Variants in EGFL6 observed in about 807,000 individuals in gnomAD.
The protein encoded by EGFL6 is EGF like domain multiple 6.
Under a neutral mutation model 43.1 loss-of-function variants are expected in EGFL6, and 42 were observed. The observed-to-expected ratio is 0.98, with a 90% confidence interval of 0.76 to 1.26. EGFL6 has a LOEUF of 1.26. Ranked by LOEUF, EGFL6 falls within the 50% of genes most tolerant of loss-of-function variation. The pLI is 0.00. For synonymous variants in EGFL6, 164 were observed against 163.2 expected (o/e 1.01, Z -0.04); for missense variants, 429 against 427.8 (o/e 1.00, Z -0.02).
chrX:13,598,246 G>T (rs932050043), intron 3 of EGFL6, among the ~76,000 whole-genome samples: 10 of 112,215 alleles, frequency 8.9e-5, no homozygotes, highest in Non-Finnish European at 1.9e-4. Flanking sequence ...GAGATGGTAG[G>T]GTAAAGGGGA....
intron 7 of EGFL6, among the ~76,000 whole-genome samples, chrX:13,614,989 T>C (rs1410013298): frequency 8.9e-6 from 1 of 112,190 alleles, no homozygotes; most frequent in Non-Finnish European, 1.9e-5. Context: ...TGACCTCAAG[T>C]GATCCGCCTG....
intron 9 of EGFL6, among the ~76,000 whole-genome samples, chrX:13,620,274 G>T: frequency 9.0e-6 from 1 of 111,274 alleles, no homozygotes; most frequent in Middle Eastern, 4.6e-3. Flanking sequence ...CCTTTCACTT[G>T]GTATAAGTAT....
chrX:13,625,541 G>A (rs946645948), intron 10 of EGFL6, among the ~76,000 whole-genome samples: 1 of 109,873 alleles, frequency 9.1e-6, no homozygotes, highest in Non-Finnish European at 1.9e-5. Context: ...AAAATTAGCC[G>A]GGCGTGGTGG....
intron 7 of EGFL6, 139 bp from the exon 8 acceptor site, chrX:13,617,590 TA>T: frequency 2.0e-6 from 1 of 508,483 alleles, no homozygotes; most frequent in South Asian, 3.5e-5. Context: ...CTTCCTAATT[TA>T]TCATCAAATA....
intron 1 of EGFL6, among the ~76,000 whole-genome samples, chrX:13,571,363 TAAAAC>T (rs1187974918): frequency 9.0e-6 from 1 of 111,163 alleles, no homozygotes; most frequent in Non-Finnish European, 1.9e-5. Context: ...ATTTCGAAGT[TAAAAC>T]AGAACAAACC....
intron 7 of EGFL6, among the ~76,000 whole-genome samples, chrX:13,611,302 G>A (rs141405295): frequency 7.9e-4 from 88 of 111,905 alleles, no homozygotes; most frequent in Middle Eastern, 9.1e-3. Context: ...ATTAAAGTTC[G>A]CTGTGATTGT....
chrX:13,573,540 T>C (rs1312213475), intron 1 of EGFL6, among the ~76,000 whole-genome samples: 2 of 112,363 alleles, frequency 1.8e-5, no homozygotes, highest in East Asian at 5.5e-4. Context: ...ATCAAGGCTA[T>C]GTAAACATTA....
chrX:13,633,171 A>AT lies in EGFL6; in HGVS notation c.*80dup. 2 of 850,327 alleles carry AT rather than the reference A, an allele frequency of 2.4e-6. No homozygotes were observed. Among genetic ancestry groups the AT allele is most frequent in the Non-Finnish European group, 3.3e-6 (2 of 607,155 alleles). 70.1% of individuals were successfully genotyped at this position (850,327 alleles called of 1,213,427 possible). A position where few individuals can be genotyped will look rare whatever the true frequency, so the allele number is the denominator to read the frequency against. On this transcript the variant is annotated 3_prime_UTR_variant, in exon 12 of 12. Transcript: ENST00000361306. ...GATATTGCATCATAGGACCTCTGGC[A>AT]TTTTAGAATTACTAGCTGAAAAATT...
rs906460443 is a variant in EGFL6 at position 13,624,040 on chromosome X, T to C, written c.1285+115T>C. ...TCAGAGCAGGGTTGTTTGTCATTTT[T>C]GGAAACTTTTAGACCTTCTGAGCTC... On this transcript the variant is annotated intron_variant, in intron 10 of 11. Transcript: ENST00000361306. 5 of 589,813 alleles carry C rather than the reference T, an allele frequency of 8.5e-6. No individual in the cohort carries two copies. The African/African-American group carries it at 1.2e-4, about 14-fold the overall frequency. 48.6% of individuals were successfully genotyped at this position (589,813 alleles called of 1,213,427 possible).
intron 5 of EGFL6, among the ~76,000 whole-genome samples, chrX:13,606,060 G>A (rs905466725): frequency 2.7e-5 from 3 of 112,138 alleles, no homozygotes; most frequent in African/African-American, 3.2e-5. Flanking sequence ...CAGCACACAC[G>A]TAATGTATAG....
At chrX:13,604,218 G>A (rs779237395) in intron 5 of EGFL6, among the ~76,000 whole-genome samples, 50 of 111,205 alleles carry the variant, frequency 4.5e-4, no homozygotes, top group African/African-American at 1.6e-3. Context: ...ACATAGATTA[G>A]GGCAATAGCT....
chrX:13,600,707 G>C (rs2045629305), intron 4 of EGFL6, among the ~76,000 whole-genome samples: 1 of 100,543 alleles, frequency 9.9e-6, no homozygotes, highest in Non-Finnish European at 2.0e-5. Flanking sequence ...AGACCAGCCT[G>C]GCCAACATGA....
Position 13,569,807 on chromosome X carries a change from C to A in EGFL6, c.-55C>A. On this transcript the variant is annotated 5_prime_UTR_variant, in exon 1 of 12. Transcript: ENST00000361306. Reference sequence around the variant, plus strand: ...GCGGCGGCTTAGCTGCTACGGGGTCCGGCCGGCGCCCTCCCGAGGGGGGCT... The same window carrying A: ...GCGGCGGCTTAGCTGCTACGGGGTCAGGCCGGCGCCCTCCCGAGGGGGGCT... 2 of 1,169,125 alleles carry A rather than the reference C, an allele frequency of 1.7e-6. No homozygotes were observed. Among genetic ancestry groups the A allele is most frequent in the Non-Finnish European group, 2.3e-6 (2 of 858,891 alleles).
chrX:13,573,242 C>T (rs2045452769), intron 1 of EGFL6, among the ~76,000 whole-genome samples: 1 of 111,765 alleles, frequency 8.9e-6, no homozygotes, highest in African/African-American at 3.3e-5. Context: ...TTCAGCCTTT[C>T]ACAGGAAGCC....
intron 1 of EGFL6, among the ~76,000 whole-genome samples, chrX:13,581,659 T>C (rs915641954): frequency 6.2e-5 from 7 of 112,513 alleles, no homozygotes; most frequent in African/African-American, 2.3e-4. Context: ...TGGCACAGTA[T>C]ATTTTTGCAG....
At chrX:13,591,534 C>T (rs1470677784) in intron 2 of EGFL6, among the ~76,000 whole-genome samples, 1 of 111,857 alleles carries the variant, frequency 8.9e-6, no homozygotes, top group East Asian at 2.8e-4. Flanking sequence ...TTTGCATGGT[C>T]CTTCTTGATG....
intron 7 of EGFL6, among the ~76,000 whole-genome samples, chrX:13,611,351 G>C (rs2045687842): frequency 9.0e-6 from 1 of 111,588 alleles, no homozygotes; most frequent in Admixed American, 9.5e-5. Flanking sequence ...TGTTTGTTAA[G>C]GGCCACCCAC....
At chrX:13,622,096 C>A (rs746513684) in intron 9 of EGFL6, among the ~76,000 whole-genome samples, 18 of 112,456 alleles carry the variant, frequency 1.6e-4, no homozygotes, top group Non-Finnish European at 2.6e-4. Context: ...AGTATTAGCA[C>A]TCATTGAAGA....
intron 1 of EGFL6, among the ~76,000 whole-genome samples, chrX:13,575,841 A>C (rs2045468270): frequency 8.9e-6 from 1 of 112,587 alleles, no homozygotes; most frequent in Non-Finnish European, 1.9e-5. Flanking sequence ...GATCCTTCAG[A>C]ATTAGCTGCA....
Sources: gnomAD v4.1 joint callset for allele counts (sites outside exome capture counted in the v4.1 genomes callset) on GRCh38, gnomAD v4.1.1 for gene constraint, MANE v1.5 for transcripts, NCBI Gene and HGNC (gene_info 2026-07-23, HGNC 2026-07-21) for gene names.